TM7SF3: variants seen among roughly 807,000 people sequenced by gnomAD.
The protein encoded by TM7SF3 is seven span transmembrane protein.
In TM7SF3, 60 loss-of-function variants were observed where a neutral mutation model predicts 65.5. The ratio of observed to expected loss-of-function variants is 0.92; its 90% CI spans 0.74 to 1.14. The LOEUF (loss-of-function observed/expected upper bound fraction) is 1.14, where lower values mean the gene tolerates loss of function less well. TM7SF3 is among the 50% of genes most tolerant of loss of function. The pLI, the probability that TM7SF3 is intolerant of heterozygous loss-of-function variation, is 0.00. For missense variants in TM7SF3, 623 were observed against 684.8 expected, an observed-to-expected ratio of 0.91 and a Z score of 1.01; for synonymous variants, 264 against 259.6, an observed-to-expected ratio of 1.02 and a Z score of -0.16.
At chr12:26,992,475 A>G (rs959691027) in intron 5 of TM7SF3, among the ~76,000 whole-genome samples, 13 of 152,228 alleles carry the variant, frequency 8.5e-5, no homozygotes, top group South Asian at 2.1e-4. Flanking sequence ...TAGTAGAGAC[A>G]GGGTTTCACC....
intron 4 of TM7SF3, 25 bp from the exon 5 acceptor site, chr12:26,995,433 C>T (rs1290762450): frequency 1.2e-6 from 2 of 1,613,376 alleles, no homozygotes; most frequent in Admixed American, 1.7e-5. Flanking sequence ...CAAAATGAAA[C>T]ATCAGTCTCT....
intron 1 of TM7SF3, among the ~76,000 whole-genome samples, chr12:27,009,494 G>A (rs1215835284): frequency 6.6e-6 from 1 of 152,182 alleles, no homozygotes. Context: ...CATATCCCAT[G>A]ATTATCATCC....
chr12:26,987,999 C>T (rs776735334), intron 6 of TM7SF3, among the ~76,000 whole-genome samples: 7 of 148,314 alleles, frequency 4.7e-5, no homozygotes, highest in Admixed American at 6.7e-5. Context: ...AAATTGAAGA[C>T]ATTCTAAAAA....
intron 10 of TM7SF3, among the ~76,000 whole-genome samples, chr12:26,975,932 G>A (rs1449439207): frequency 6.6e-6 from 1 of 152,120 alleles, no homozygotes; most frequent in Admixed American, 6.5e-5. Context: ...TCTAATTAGA[G>A]GAAGAATCAC....
chr12:26,984,293 G>A (rs992534481), intron 6 of TM7SF3, among the ~76,000 whole-genome samples: 4 of 152,062 alleles, frequency 2.6e-5, no homozygotes, highest in Non-Finnish European at 5.9e-5. Context: ...GCCAGGCCTG[G>A]TGGCACATGC....
chr12:26,999,526 CTCTT>C lies in TM7SF3; in HGVS notation c.393_396del (p.Arg132IlefsTer13). 2 of 1,613,924 alleles carry C rather than the reference CTCTT, an allele frequency of 1.2e-6. No individual in the cohort carries two copies. Among genetic ancestry groups the C allele is most frequent in the Non-Finnish European group, 1.7e-6 (2 of 1,179,892 alleles). Reference sequence around the variant, plus strand: ...AGGGAGGAGAAGACAGAAGGGTTACCTCTTTCTGAGTAGGAGAGTAGGATAGCCA... The same window carrying C: ...AGGGAGGAGAAGACAGAAGGGTTACCTCTGAGTAGGAGAGTAGGATAGCCA... On this transcript the variant is annotated frameshift_variant and splice_region_variant, in exon 3 of 12. Transcript: ENST00000343028. LOFTEE classifies it high-confidence loss of function.
intron 8 of TM7SF3, 113 bp from the exon 9 acceptor site, chr12:26,980,049 C>G (rs1464487733): frequency 7.8e-7 from 1 of 1,280,880 alleles, no homozygotes; most frequent in Non-Finnish European, 1.1e-6. Context: ...AGGTCAGGCA[C>G]TGAGGGCTCT....
chr12:27,003,122 A>T, intron 2 of TM7SF3, 114 bp downstream of exon 2: 1 of 756,314 alleles, frequency 1.3e-6, no homozygotes, highest in Non-Finnish European at 2.0e-6. Context: ...AAAATTTAAG[A>T]CATAAGATCA....
At chr12:27,010,960 T>C (rs1941222042) in intron 1 of TM7SF3, among the ~76,000 whole-genome samples, 1 of 152,222 alleles carries the variant, frequency 6.6e-6, no homozygotes, top group African/African-American at 2.4e-5. Context: ...TTACTAAAAT[T>C]TACTTCTACT....
At chr12:27,005,276 C>T (rs557973664) in intron 1 of TM7SF3, among the ~76,000 whole-genome samples, 29 of 152,262 alleles carry the variant, frequency 1.9e-4, no homozygotes, top group Non-Finnish European at 2.5e-4. Context: ...AACTCACTTA[C>T]TATCCTGCCT....
Position 26,982,762 on chromosome 12 carries a change from G to A in TM7SF3, c.955+11C>T. The A allele has an allele frequency of 6.3e-7, 1 of 1,592,424 alleles. No individual in the cohort carries two copies. The highest frequency in any genetic ancestry group is 1.8e-5 in the Admixed American group (1 of 56,620). On this transcript the variant is annotated intron_variant, in intron 7 of 11. Transcript: ENST00000343028. The stretch of plus-strand genomic sequence containing the variant: ...GCAAAATGGAAATAGCAACTACATT[G>A]GACATAATACCTGTTTTCCAGAATC...
chr12:27,003,428 T>A, intron 1 of TM7SF3, 38 bp from the exon 2 acceptor site: 1 of 1,544,062 alleles, frequency 6.5e-7, no homozygotes, highest in Non-Finnish European at 8.8e-7. Flanking sequence ...ACACTTGTAC[T>A]CTCATATCAA....
intron 11 of TM7SF3, 29 bp from the exon 12 acceptor site, chr12:26,974,256 G>T: frequency 6.3e-7 from 1 of 1,599,584 alleles, no homozygotes; most frequent in South Asian, 1.1e-5. Context: ...AGTACAGTTT[G>T]AACTCTAGTA....
In TM7SF3 at chr12:26,976,256, T is replaced by C; in HGVS notation, c.1287+4A>G. 2.5e-6 allele frequency: 4 copies of C among 1,598,486 alleles called. No individual in the cohort carries two copies. Among genetic ancestry groups the C allele is most frequent in the Non-Finnish European group, 3.4e-6 (4 of 1,165,832 alleles). The stretch of plus-strand genomic sequence containing the variant: ...ATAAATCTAACTTTTGATGAAACAC[T>C]TACTATTCTTAGGCAGCCCATGAAA... On this transcript the variant is annotated splice_donor_region_variant and intron_variant, in intron 10 of 11. Coordinates refer to ENST00000343028, the MANE Select transcript of TM7SF3 (RefSeq NM_016551.3).
intron 2 of TM7SF3, among the ~76,000 whole-genome samples, chr12:27,001,471 G>T (rs1010879352): frequency 1.3e-5 from 2 of 152,118 alleles, no homozygotes; most frequent in Non-Finnish European, 2.9e-5. Flanking sequence ...TCCTAACTGG[G>T]GGCCTGAGAG....
chr12:27,002,341 G>T (rs2136440063), intron 2 of TM7SF3, among the ~76,000 whole-genome samples: 1 of 152,036 alleles, frequency 6.6e-6, no homozygotes, highest in Non-Finnish European at 1.5e-5. Context: ...GGTGACATGT[G>T]CCTGTAGTTC....
chr12:26,974,108 T>C lies in TM7SF3; in HGVS notation c.1570A>G (p.Arg524Gly). ...AGAATGTTTGTCACTCGGCGCTCTCTCTCTTGCTTCCATAACTTGTATGGG... is the reference window on the plus strand; with the variant it reads ...AGAATGTTTGTCACTCGGCGCTCTCCCTCTTGCTTCCATAACTTGTATGGG... ...PHPYKLWKQE[R>G]ERRVTNILDP... The change falls in exon 12 of 12, where the codon AGA becomes GGA. Residue 524 changes from arginine to glycine, a missense_variant. Arg to Gly is a moderately radical substitution (Grantham distance 125, BLOSUM62 -2). Transcript: ENST00000343028. 1 of 1,614,186 alleles carries C rather than the reference T, an allele frequency of 6.2e-7. No individual in the cohort carries two copies. Among genetic ancestry groups the C allele is most frequent in the South Asian group, 1.1e-5 (1 of 91,086 alleles).
intron 2 of TM7SF3, 155 bp from the exon 3 acceptor site, chr12:26,999,831 T>C (rs957300936): frequency 5.9e-6 from 4 of 678,294 alleles, no homozygotes; most frequent in Non-Finnish European, 9.7e-6. Context: ...TTCATCTCTA[T>C]GTTCACATGC....
intron 8 of TM7SF3, 109 bp from the exon 9 acceptor site, chr12:26,980,045 G>C: frequency 7.7e-7 from 1 of 1,294,276 alleles, no homozygotes; most frequent in Non-Finnish European, 1.1e-6. Flanking sequence ...CTGTAGGTCA[G>C]GCACTGAGGG....
Sources: gnomAD v4.1 joint callset for allele counts (sites outside exome capture counted in the v4.1 genomes callset) on GRCh38, gnomAD v4.1.1 for gene constraint, MANE v1.5 for transcripts, NCBI Gene and HGNC (gene_info 2026-07-23, HGNC 2026-07-21) for gene names.